SPRR2G: variants seen among roughly 807,000 people sequenced by gnomAD.
SPRR2G encodes the protein small proline-rich protein 2G.
In SPRR2G, 1 loss-of-function variant was observed where a neutral mutation model predicts 0.7. That is an observed-to-expected ratio of 1.49 (90% CI 0.53 to 7.06). The LOEUF (loss-of-function observed/expected upper bound fraction) is 7.06. Ranked by LOEUF, SPRR2G falls within the 30% of genes most tolerant of loss-of-function variation. The pLI is 0.14. For synonymous variants in SPRR2G, 38 were observed against 33.9 expected, an observed-to-expected ratio of 1.12 and a Z score of -0.42; for missense variants, 96 against 88.5, an observed-to-expected ratio of 1.09 and a Z score of -0.34.
chr1:153,158,718 G>C, the SPRR2G span, among the ~76,000 whole-genome samples: 8 of 152,292 alleles, frequency 5.3e-5, no homozygotes, highest in African/African-American at 1.9e-4. Flanking sequence ...CTCCATGAGG[G>C]CTCCATCCCT....
At chr1:153,173,988 A>C in the SPRR2G span, among the ~76,000 whole-genome samples, 1 of 152,282 alleles carries the variant, frequency 6.6e-6, no homozygotes, top group South Asian at 2.1e-4. Flanking sequence ...TTATAGTTTA[A>C]TTTTTAGCAG....
the SPRR2G span, among the ~76,000 whole-genome samples, chr1:153,161,931 C>G: frequency 6.6e-6 from 1 of 152,140 alleles, no homozygotes; most frequent in Non-Finnish European, 1.5e-5. Flanking sequence ...AATTAGAAGA[C>G]AGAAAACTGC....
chr1:153,163,941 T>C, the SPRR2G span, among the ~76,000 whole-genome samples: 4 of 152,184 alleles, frequency 2.6e-5, no homozygotes, highest in African/African-American at 9.7e-5. Context: ...GTCTAAGATT[T>C]TGAGTCATCT....
At chr1:153,157,794 A>G in the SPRR2G span, among the ~76,000 whole-genome samples, 1 of 152,054 alleles carries the variant, frequency 6.6e-6, no homozygotes, top group East Asian at 1.9e-4. Flanking sequence ...GGACTGGGTA[A>G]TTAATAAAGA....
chr1:153,187,107 T>A, the SPRR2G span, among the ~76,000 whole-genome samples: 1 of 152,330 alleles, frequency 6.6e-6, no homozygotes, highest in African/African-American at 2.4e-5. Context: ...TAACCTGACC[T>A]TTCTCTCTGT....
the SPRR2G span, among the ~76,000 whole-genome samples, chr1:153,168,163 T>G: frequency 2.0e-5 from 3 of 152,228 alleles, no homozygotes; most frequent in African/African-American, 7.2e-5. Flanking sequence ...GAATAGACTC[T>G]TCCACCAACT....
upstream of SPRR2G, among the ~76,000 whole-genome samples, chr1:153,155,643 G>A (rs979223287): frequency 5.9e-5 from 9 of 152,034 alleles, no homozygotes; most frequent in Non-Finnish European, 1.3e-4. Flanking sequence ...TAAGTTCTAG[G>A]TCCATTACAT....
chr1:153,173,208 G>A, the SPRR2G span, among the ~76,000 whole-genome samples: 1 of 152,220 alleles, frequency 6.6e-6, no homozygotes, highest in Non-Finnish European at 1.5e-5. Context: ...GTCTTCAAAT[G>A]AGGACACAGA....
At chr1:153,182,049 A>C in the SPRR2G span, among the ~76,000 whole-genome samples, 13 of 152,212 alleles carry the variant, frequency 8.5e-5, no homozygotes, top group Non-Finnish European at 1.6e-4. Flanking sequence ...ATGGTGTATG[A>C]GAATTCTCTG....
At chr1:153,197,882 T>C in the SPRR2G span, among the ~76,000 whole-genome samples, 3 of 152,226 alleles carry the variant, frequency 2.0e-5, no homozygotes, top group Non-Finnish European at 4.4e-5. Context: ...CATCTCCTTA[T>C]TGACAAGAAG....
the SPRR2G span, among the ~76,000 whole-genome samples, chr1:153,159,558 G>T: frequency 3.2e-4 from 48 of 152,148 alleles, no homozygotes; most frequent in African/African-American, 1.1e-3. Context: ...CACATTTTTA[G>T]TTATCTTTAT....
the SPRR2G span, among the ~76,000 whole-genome samples, chr1:153,188,978 G>A: frequency 6.6e-6 from 1 of 152,176 alleles, no homozygotes; most frequent in East Asian, 1.9e-4. Flanking sequence ...TCCATGGGCT[G>A]CACCCAATGT....
At chr1:153,178,049 C>A in the SPRR2G span, among the ~76,000 whole-genome samples, 3 of 152,058 alleles carry the variant, frequency 2.0e-5, no homozygotes, top group Non-Finnish European at 2.9e-5. Context: ...AGCAGACTTA[C>A]AAATTTTTGT....
rs1275306059 is a variant in SPRR2G, at chr1:153,150,880, G to A, written c.-50C>T. 1.3e-5 allele frequency: 2 copies of A among 152,588 alleles called. No individual in the cohort carries two copies. Among genetic ancestry groups the A allele is most frequent in the Non-Finnish European group, 2.9e-5 (2 of 68,342 alleles). The allele number at this position is 152,588 out of a possible 1,614,324, so 9.5% of individuals were successfully genotyped here. ...AGTCTTCAAAGATCTACAACTGAAT[G>A]GCAAGAAGATAGCATCAGTGTGGTG... On this transcript the variant is annotated 5_prime_UTR_variant, in exon 1 of 2. Transcript: ENST00000368748.
chr1:153,166,435 G>A, the SPRR2G span, among the ~76,000 whole-genome samples: 2 of 152,128 alleles, frequency 1.3e-5, no homozygotes, highest in African/African-American at 4.8e-5. Flanking sequence ...GTGAAAATCT[G>A]GTTTCTACAA....
the SPRR2G span, among the ~76,000 whole-genome samples, chr1:153,193,690 G>C: frequency 1.2e-4 from 18 of 152,198 alleles, no homozygotes; most frequent in Admixed American, 5.2e-4. Context: ...TAGAAGAACT[G>C]TTTCCTGGAG....
chr1:153,149,792 G>A lies in SPRR2G; in HGVS notation c.*97C>T. 1 of 1,456,830 alleles carries A rather than the reference G, an allele frequency of 6.9e-7. No individual in the cohort carries two copies. 90.2% of individuals were successfully genotyped at this position (1,456,830 alleles called of 1,614,324 possible). ...CCAGACAGAGGTTAGGGAAGATGCA[G>A]CCTCCCACTACAGCTGAAGGGAAGA... On this transcript the variant is annotated 3_prime_UTR_variant, in exon 2 of 2. Transcript: ENST00000368748.
the SPRR2G span, among the ~76,000 whole-genome samples, chr1:153,168,420 C>T: frequency 6.6e-6 from 1 of 152,172 alleles, no homozygotes; most frequent in African/African-American, 2.4e-5. Context: ...CATGTGAATG[C>T]CACAGAAATT....
In SPRR2G at chr1:153,149,895, G is replaced by T. The variant is rs1317345355; in HGVS notation, c.216C>A (p.Ser72Arg). 6.2e-7 allele frequency: 1 copy of T among 1,614,088 alleles called. No homozygotes were observed. Among genetic ancestry groups the T allele is most frequent in the South Asian group, 1.1e-5 (1 of 91,068 alleles). ...PPCQQKYPPKSK is the reference protein window; with the variant it reads ...PPCQQKYPPKRK ...CTGATGAATTCTAGTGATGTTACTTGCTCTTGGGTGGATACTTCTGCTGGC... is the reference window on the plus strand; with the variant it reads ...CTGATGAATTCTAGTGATGTTACTTTCTCTTGGGTGGATACTTCTGCTGGC... Residue 72 changes from serine to arginine, a missense_variant, in exon 2 of 2, where the codon AGC (serine) becomes AGA (arginine). Ser to Arg is a moderately radical substitution (Grantham distance 110). Coordinates refer to ENST00000368748, the MANE Select transcript of SPRR2G (RefSeq NM_001014291.4).
Sources: allele counts gnomAD v4.1 joint callset (sites outside exome capture counted in the v4.1 genomes callset), GRCh38; gene constraint gnomAD v4.1.1; transcripts MANE v1.5; gene names NCBI Gene and HGNC (gene_info 2026-07-23, HGNC 2026-07-21).